Variants in ANXA8 observed in about 807,000 individuals in gnomAD.
ANXA8 encodes VAC-beta.
A neutral mutation model predicts 26.8 loss-of-function variants in ANXA8; 9 were observed. The observed-to-expected ratio is 0.34, with a 90% CI of 0.20 to 0.59. The LOEUF (loss-of-function observed/expected upper bound fraction) is 0.59. ANXA8 is among the 20% of genes least tolerant of loss of function. The pLI, the probability that ANXA8 is intolerant of heterozygous loss-of-function variation, is 0.84. For synonymous variants in ANXA8, 39 were observed against 94.8 expected (o/e 0.41, Z 3.42); for missense variants, 83 against 238.5 (o/e 0.35, Z 4.29).
the ANXA8 span, among the ~76,000 whole-genome samples, chr10:47,540,383 C>G: frequency 2.6e-5 from 3 of 113,596 alleles, no homozygotes; most frequent in East Asian, 1.5e-3. Context: ...GCATGGTTCC[C>G]TAACACCACA....
chr10:47,683,153 T>G, the ANXA8 span, among the ~76,000 whole-genome samples: 14,913 of 145,626 alleles, frequency 0.1, 4 homozygotes, highest in African/African-American at 0.15. Context: ...TTATATCTTT[T>G]CATAAGTTGC....
the ANXA8 span, among the ~76,000 whole-genome samples, chr10:47,686,527 T>C: frequency 3.3e-5 from 5 of 152,008 alleles, no homozygotes; most frequent in Admixed American, 6.5e-5. Context: ...TCACTTTTTA[T>C]AATTGTCAGT....
chr10:47,676,531 C>T, the ANXA8 span, among the ~76,000 whole-genome samples: 1 of 151,770 alleles, frequency 6.6e-6, no homozygotes, highest in Non-Finnish European at 1.5e-5. Flanking sequence ...TGTTTTAGGA[C>T]CAGAAAAAAA....
chr10:47,755,124 C>CTT, the ANXA8 span, among the ~76,000 whole-genome samples: 1 of 151,002 alleles, frequency 6.6e-6, no homozygotes, highest in Non-Finnish European at 1.5e-5. Flanking sequence ...GCCTAGCTAA[C>CTT]TTTTGTATTT....
chr10:47,521,522 A>G, the ANXA8 span, among the ~76,000 whole-genome samples: 155 of 140,878 alleles, frequency 1.1e-3, 29 homozygotes, highest in Non-Finnish European at 9.2e-5. Context: ...GCTATAAGAC[A>G]TTTCCTCTAG....
At chr10:47,749,424 T>G in the ANXA8 span, among the ~76,000 whole-genome samples, 5 of 150,976 alleles carry the variant, frequency 3.3e-5, no homozygotes, top group South Asian at 2.1e-4. Flanking sequence ...GAATATTGAC[T>G]GCACATAGCA....
the ANXA8 span, among the ~76,000 whole-genome samples, chr10:47,626,613 A>T: frequency 4.0e-5 from 6 of 150,198 alleles, no homozygotes; most frequent in East Asian, 7.7e-4. Context: ...ACTCATGATA[A>T]TTGGGCCACA....
At chr10:47,949,518 TTTAA>T in the ANXA8 span, among the ~76,000 whole-genome samples, 2 of 150,538 alleles carry the variant, frequency 1.3e-5, no homozygotes, top group African/African-American at 4.9e-5. Context: ...TTTTCTCATT[TTTAA>T]ATTTCCTTAA....
chr10:47,548,656 T>C, the ANXA8 span, among the ~76,000 whole-genome samples: 4 of 145,276 alleles, frequency 2.8e-5, no homozygotes, highest in African/African-American at 1.0e-4. Flanking sequence ...ATATCAGAGA[T>C]AGTGAACATT....
the ANXA8 span, among the ~76,000 whole-genome samples, chr10:47,659,630 T>C: frequency 1.5e-4 from 22 of 150,216 alleles, no homozygotes; most frequent in African/African-American, 4.2e-4. Context: ...GAGCTGAGAT[T>C]GCGCCATTGC....
the ANXA8 span, among the ~76,000 whole-genome samples, chr10:47,929,978 TC>T: frequency 5.3e-5 from 8 of 152,184 alleles, no homozygotes; most frequent in Non-Finnish European, 1.0e-4. Flanking sequence ...AGTCACAGTC[TC>T]CACCTGTGTC....
the ANXA8 span, among the ~76,000 whole-genome samples, chr10:47,771,617 G>A: frequency 4.0e-5 from 6 of 151,162 alleles, no homozygotes; most frequent in Non-Finnish European, 8.8e-5. Flanking sequence ...CGCTCTTGTT[G>A]CCCGGGCTGG....
intron 8 of ANXA8, 111 bp from the exon 9 acceptor site, chr10:47,474,176 T>TG: frequency 1.7e-6 from 1 of 581,284 alleles, no homozygotes; most frequent in African/African-American, 2.0e-5. Context: ...CACTGGTGGC[T>TG]GGGGAAACAG....
At chr10:47,585,263 C>CAAAAAAAAAAAAAAAAAAAA in the ANXA8 span, among the ~76,000 whole-genome samples, 1 of 43,582 alleles carries the variant, frequency 2.3e-5, no homozygotes, top group Non-Finnish European at 3.3e-5. Flanking sequence ...GACTCCATCT[C>CAAAAAAAAAAAAAAAAAAAA]AAAAAAAAAA....
the ANXA8 span, among the ~76,000 whole-genome samples, chr10:47,700,982 T>TGA: frequency 6.6e-6 from 1 of 151,420 alleles, no homozygotes; most frequent in African/African-American, 2.4e-5. Context: ...CATAGGAGGC[T>TGA]GAGGCAGGAG....
At chr10:47,746,653 G>A in the ANXA8 span, among the ~76,000 whole-genome samples, 7 of 136,438 alleles carry the variant, frequency 5.1e-5, no homozygotes, top group African/African-American at 1.9e-4. Flanking sequence ...ACTCCAGCCT[G>A]GGCAACAAGA....
chr10:47,597,070 C>T, the ANXA8 span, among the ~76,000 whole-genome samples: 1 of 149,064 alleles, frequency 6.7e-6, no homozygotes, highest in Non-Finnish European at 1.5e-5. Context: ...ATCAAGTGAA[C>T]TTTATACCTG....
chr10:47,593,456 ACTGAAAGAAGT>A, the ANXA8 span, among the ~76,000 whole-genome samples: 2 of 150,038 alleles, frequency 1.3e-5, no homozygotes, highest in East Asian at 1.9e-4. Flanking sequence ...GAAAGCGTGC[ACTGAAAGAAGT>A]TGTTTCTCAT....
chr10:47,973,370 CA>C, the ANXA8 span: 4 of 144,794 alleles, frequency 2.8e-5, no homozygotes, highest in African/African-American at 1.0e-4. Context: ...GCAGTCATGG[CA>C]CATCCCATGG....
Sources: allele counts gnomAD v4.1 joint callset (sites outside exome capture counted in the v4.1 genomes callset), GRCh38; gene constraint gnomAD v4.1.1; transcripts MANE v1.5; gene names NCBI Gene and HGNC (gene_info 2026-07-23, HGNC 2026-07-21).